ATRNL1: variants seen among roughly 807,000 people sequenced by gnomAD.
ATRNL1 encodes attractin like 1.
In ATRNL1, 95 loss-of-function variants were observed where a neutral mutation model predicts 182.7. The observed-to-expected ratio is 0.52, with a 90% confidence interval of 0.44 to 0.62. ATRNL1 has a LOEUF of 0.62. Among genes scored for constraint, ATRNL1 ranks in the 20% least tolerant of loss-of-function variants. The pLI, the probability that ATRNL1 is intolerant of heterozygous loss-of-function variation, is 0.00. For synonymous variants in ATRNL1, 576 were observed against 568.3 expected (o/e 1.01, Z -0.19); for missense variants, 1,471 against 1,679.5 (o/e 0.88, Z 2.17).
At chr10:115,610,742 G>C (rs1396500101) in intron 26 of ATRNL1, among the ~76,000 whole-genome samples, 1 of 152,074 alleles carries the variant, frequency 6.6e-6, no homozygotes, top group Admixed American at 6.5e-5. Context: ...CTAAGCACAC[G>C]ATAAATGTTA....
At chr10:115,772,593 C>CTG (rs71475107) in intron 27 of ATRNL1, among the ~76,000 whole-genome samples, 4,138 of 125,584 alleles carry the variant, frequency 0.033, 71 homozygotes, top group South Asian at 0.043. Context: ...AATATATACT[C>CTG]TGTCTGTGTG....
intron 28 of ATRNL1, among the ~76,000 whole-genome samples, chr10:115,931,945 C>A (rs1555121716): frequency 6.6e-6 from 1 of 152,134 alleles, no homozygotes; most frequent in Non-Finnish European, 1.5e-5. Context: ...GCAGTGTTTA[C>A]CCCCCTGGAT....
chr10:115,686,720 C>T (rs1443669521), intron 26 of ATRNL1, among the ~76,000 whole-genome samples: 1 of 151,930 alleles, frequency 6.6e-6, no homozygotes, highest in African/African-American at 2.4e-5. Context: ...TCATTTAATT[C>T]ATGTTTCACA....
At chr10:115,621,392 C>T (rs1555022869) in intron 26 of ATRNL1, among the ~76,000 whole-genome samples, 1 of 151,300 alleles carries the variant, frequency 6.6e-6, no homozygotes, top group African/African-American at 2.4e-5. Context: ...GCAGCCTTGA[C>T]CTCCTGGGCT....
intron 21 of ATRNL1, among the ~76,000 whole-genome samples, chr10:115,436,363 C>A (rs1159021170): frequency 6.6e-6 from 1 of 151,980 alleles, no homozygotes; most frequent in East Asian, 1.9e-4. Context: ...TGATAATCAT[C>A]CATTCTTATG....
At chr10:115,609,730 A>G (rs1223948936) in intron 26 of ATRNL1, among the ~76,000 whole-genome samples, 1 of 152,124 alleles carries the variant, frequency 6.6e-6, no homozygotes, top group Non-Finnish European at 1.5e-5. Flanking sequence ...TAAAATCTCA[A>G]ATTTTGGCAC....
chr10:115,615,401 C>CT (rs57644665), intron 26 of ATRNL1, among the ~76,000 whole-genome samples: 13 of 151,368 alleles, frequency 8.6e-5, no homozygotes, highest in Admixed American at 5.9e-4. Context: ...TGGTTGAACA[C>CT]TTTTTTTTTC....
chr10:115,607,978 AC>A (rs1466416742), intron 26 of ATRNL1, among the ~76,000 whole-genome samples: 4 of 151,886 alleles, frequency 2.6e-5, no homozygotes, highest in Non-Finnish European at 4.4e-5. Flanking sequence ...ATCTAATTTC[AC>A]CTAGGAGGGT....
At chr10:115,636,676 G>T (rs1173528934) in intron 26 of ATRNL1, among the ~76,000 whole-genome samples, 1 of 151,466 alleles carries the variant, frequency 6.6e-6, no homozygotes, top group African/African-American at 2.4e-5. Context: ...ATTAAACATA[G>T]GTTACCATAT....
chr10:115,894,364 A>G (rs1234956712), intron 28 of ATRNL1, among the ~76,000 whole-genome samples: 1 of 152,180 alleles, frequency 6.6e-6, no homozygotes, highest in Non-Finnish European at 1.5e-5. Context: ...CCAGTAAACA[A>G]TGTTTTACTC....
intron 8 of ATRNL1, among the ~76,000 whole-genome samples, chr10:115,184,854 A>G (rs1459913636): frequency 1.3e-5 from 2 of 151,958 alleles, no homozygotes; most frequent in African/African-American, 2.4e-5. Context: ...TGATTTTTGA[A>G]CACAGTATTT....
At chr10:115,356,200 A>T (rs1554942786) in intron 19 of ATRNL1, among the ~76,000 whole-genome samples, 1 of 152,080 alleles carries the variant, frequency 6.6e-6, no homozygotes. Flanking sequence ...GAAGCAGAAA[A>T]TTTATTACCA....
At chr10:115,614,342 GTTAT>G (rs1222901317) in intron 26 of ATRNL1, among the ~76,000 whole-genome samples, 2 of 151,824 alleles carry the variant, frequency 1.3e-5, no homozygotes, top group Non-Finnish European at 2.9e-5. Context: ...AGTTCTTCAC[GTTAT>G]TTGTTTCTAG....
chr10:115,917,917 C>T (rs1041483834), intron 28 of ATRNL1, among the ~76,000 whole-genome samples: 1 of 152,026 alleles, frequency 6.6e-6, no homozygotes, highest in Admixed American at 6.5e-5. Flanking sequence ...GGTTGATTGG[C>T]TTTTCTTATG....
intron 20 of ATRNL1, among the ~76,000 whole-genome samples, chr10:115,398,738 T>C (rs1266233487): frequency 6.6e-6 from 1 of 152,106 alleles, no homozygotes; most frequent in East Asian, 1.9e-4. Flanking sequence ...CTTCAGATAC[T>C]ATGTTGAATG....
chr10:115,648,511 A>G (rs1451655904), intron 26 of ATRNL1, among the ~76,000 whole-genome samples: 13 of 152,348 alleles, frequency 8.5e-5, no homozygotes, highest in Admixed American at 7.8e-4. Flanking sequence ...ATCCTAAGCC[A>G]AAAGAACAAA....
chr10:115,886,608 T>C (rs1434559752), intron 28 of ATRNL1, among the ~76,000 whole-genome samples: 3 of 152,234 alleles, frequency 2.0e-5, no homozygotes, highest in African/African-American at 7.2e-5. Context: ...TGTATTTAAT[T>C]TGTAGATTTG....
At chr10:115,859,384 A>G (rs1357103886) in intron 28 of ATRNL1, among the ~76,000 whole-genome samples, 1 of 151,984 alleles carries the variant, frequency 6.6e-6, no homozygotes, top group African/African-American at 2.4e-5. Context: ...CCTCCCTCAT[A>G]TTTATTGTAA....
intron 24 of ATRNL1, among the ~76,000 whole-genome samples, chr10:115,484,145 T>A (rs1848905409): frequency 6.6e-6 from 1 of 151,400 alleles, no homozygotes; most frequent in African/African-American, 2.4e-5. Context: ...AAATGTCAAA[T>A]CTTAGATCTT....
Sources: allele counts gnomAD v4.1 joint callset (sites outside exome capture counted in the v4.1 genomes callset), GRCh38; gene constraint gnomAD v4.1.1; transcripts MANE v1.5; gene names NCBI Gene and HGNC (gene_info 2026-07-23, HGNC 2026-07-21).